Variants in FHIP1B observed in about 807,000 individuals in gnomAD.
FHIP1B encodes the protein FHF complex subunit HOOK interacting protein 1B, also known as FHF complex subunit HOOK-interacting protein 1B.
FHIP1B carries 28 observed loss-of-function variants against 82.2 expected under a neutral mutation model. The observed-to-expected ratio is 0.34, with a 90% CI of 0.25 to 0.47. FHIP1B has a LOEUF of 0.47. Among genes scored for constraint, FHIP1B ranks in the 20% least tolerant of loss-of-function variants. FHIP1B has a pLI of 1.00. For missense variants in FHIP1B, 1,110 were observed against 1,262.6 expected, an observed-to-expected ratio of 0.88 and a Z score of 1.83; for synonymous variants, 585 against 516.1, an observed-to-expected ratio of 1.13 and a Z score of -1.81.
intron 9 of FHIP1B, 36 bp downstream of exon 9, chr11:6,217,335 G>C (rs956377446): frequency 6.3e-7 from 1 of 1,576,374 alleles, no homozygotes; most frequent in Non-Finnish European, 8.7e-7. Flanking sequence ...CATGCAAAGA[G>C]TACACAGAAG....
In FHIP1B at chr11:6,217,477, C is replaced by T. The variant is rs781243507; in HGVS notation, c.2109G>A (p.Glu703=). ...TGAAGCTCTCGTAGGCCTCCTCCTC[C>T]TCAAGGGGCAGTGGAGGTTCTAAGG... ...ESPLEPPLPL[E]EEEAYESFTC... is the part of the protein sequence containing the mutation. Residue 703 remains glutamate (E), a synonymous_variant, in exon 9 of 12, where the codon GAG becomes GAA. Coordinates refer to ENST00000449352, the MANE Select transcript of FHIP1B (RefSeq NM_001098794.2). The T allele has an allele frequency of 2.3e-5, 37 of 1,613,568 alleles. No homozygotes were observed. The East Asian group carries it at 4.7e-4, about 20-fold the overall frequency.
Position 6,224,224 on chromosome 11 carries a change from C to G in FHIP1B, c.163G>C (p.Gly55Arg). Residue 55 changes from glycine to arginine, a missense_variant, in exon 3 of 12, where the codon GGC (glycine) becomes CGC (arginine). This residue lies in a region of FHIP1B where 467 missense variants were observed against 602.9 expected (regional missense o/e 0.77). Coordinates refer to ENST00000449352, the MANE Select transcript of FHIP1B (RefSeq NM_001098794.2). ...SQVVRILERQ[G>R]PRAAPGGADD... ...GCACCCCCAGGAGCTGCCCGAGGGC[C>G]TTGCCGCTCCAGGATTCGCACCACC... is the stretch of plus-strand genomic sequence containing the variant. 1.2e-6 allele frequency: 2 copies of G among 1,610,364 alleles called. No individual in the cohort carries two copies. Among genetic ancestry groups the G allele is most frequent in the Non-Finnish European group, 1.7e-6 (2 of 1,177,792 alleles).
rs371114898 is a variant in FHIP1B at position 6,222,907 on chromosome 11, T to G, written c.937-10A>C. 2.2e-5 allele frequency: 36 copies of G among 1,613,130 alleles called. No homozygotes were observed. Among genetic ancestry groups the G allele is most frequent in the Middle Eastern group, 1.6e-4 (1 of 6,082 alleles). Reference sequence around the variant, plus strand: ...CCAGGGGGTGAGCCACCTGTAGGAGTGCCAGAGAGAAGGGGGAGGGTTATG... The same window carrying G: ...CCAGGGGGTGAGCCACCTGTAGGAGGGCCAGAGAGAAGGGGGAGGGTTATG... On this transcript the variant is annotated splice_polypyrimidine_tract_variant and intron_variant, in intron 4 of 11. Coordinates refer to ENST00000449352, the MANE Select transcript of FHIP1B (RefSeq NM_001098794.2).
At position 6,217,986 on chromosome 11, in the gene FHIP1B, G is replaced by A; in HGVS notation, c.1600C>T (p.Pro534Ser). 6.2e-7 allele frequency: 1 copy of A among 1,613,558 alleles called. No homozygotes were observed. Among genetic ancestry groups the A allele is most frequent in the Non-Finnish European group, 8.5e-7 (1 of 1,180,002 alleles). The change falls in exon 9 of 12, where the codon CCT becomes TCT. Residue 534 changes from proline (P) to serine (S), a missense_variant. Physicochemically the swap from Pro to Ser is moderately conservative, Grantham distance 74. Transcript: ENST00000449352. ...TCTGCAGGGGTAGGCCGTCGGCCAG[G>A]GCTGGAGGCGGGGGATGCAGAAAGC... ...PGLSASPASS[P>S]GRRPTPAEEP...
intron 1 of FHIP1B, among the ~76,000 whole-genome samples, chr11:6,225,793 A>C (rs1847549110): frequency 6.6e-6 from 1 of 152,148 alleles, no homozygotes. Flanking sequence ...TAAGACCCTT[A>C]ACTGACTGAA....
chr11:6,211,629 A>C lies in FHIP1B; in HGVS notation c.2796T>G (p.Pro932=). 1 of 1,614,256 alleles carries C rather than the reference A, an allele frequency of 6.2e-7. No individual in the cohort carries two copies. Among genetic ancestry groups the C allele is most frequent in the South Asian group, 1.1e-5 (1 of 91,086 alleles). ...TGGCAGCCAACTCCTTGAGAAATTC[A>C]GGGAAAATGACTGCACAGTAGACAG... The part of the protein sequence containing the change: ...KNAVYCAVIF[P]EFLKELAAIS... The change falls in exon 12 of 12, where the codon CCT becomes CCG. Residue 932 remains proline, a synonymous_variant. Coordinates refer to ENST00000449352, the MANE Select transcript of FHIP1B (RefSeq NM_001098794.2).
At chr11:6,232,097 A>G (rs1439779261) in intron 1 of FHIP1B, among the ~76,000 whole-genome samples, 1 of 152,234 alleles carries the variant, frequency 6.6e-6, no homozygotes, top group East Asian at 1.9e-4. Flanking sequence ...TCTCTACATC[A>G]TCATCCTCAT....
chr11:6,213,135 A>G (rs1280035504), intron 11 of FHIP1B, among the ~76,000 whole-genome samples: 1 of 152,192 alleles, frequency 6.6e-6, no homozygotes, highest in African/African-American at 2.4e-5. Context: ...CTGTAGAAGG[A>G]AGAAATATTC....
rs1200949836 is a variant in FHIP1B, at chr11:6,217,623, C to T, written c.1963G>A (p.Glu655Lys). The T allele has an allele frequency of 6.2e-7, 1 of 1,614,012 alleles. No individual in the cohort carries two copies. ...GAKKVRLVPK[E>K]GAGELLEGIS... is the part of the protein sequence containing the mutation. The stretch of plus-strand genomic sequence containing the variant: ...CCCTCTAGCAGTTCCCCAGCTCCCT[C>T]CTTTGGCACCAGACGAACCTTCTTG... The change falls in exon 9 of 12, where the codon GAG becomes AAG. Residue 655 changes from glutamate to lysine, a missense_variant. Glu to Lys is a moderately conservative substitution (Grantham distance 56). Coordinates refer to ENST00000449352, the MANE Select transcript of FHIP1B (RefSeq NM_001098794.2).
At position 6,233,913 on chromosome 11, in the gene FHIP1B, T is replaced by C. The variant is rs528054074; in HGVS notation, c.-192+631A>G. ...TTTCTGTGATTACTCTGTTGAAGTC[T>C]GAGCCTCAAATATGACTTTCATTAC... On this transcript the variant is annotated intron_variant, in intron 1 of 11. Coordinates refer to ENST00000449352, the MANE Select transcript of FHIP1B (RefSeq NM_001098794.2). Among the ~76,000 whole-genome samples the C allele has an allele frequency of 1.3e-4, 20 of 152,354 alleles. No individual in the cohort carries two copies. The East Asian group carries it at 2.9e-3, about 22-fold the overall frequency.
At chr11:6,234,379 C>T (rs1350311028) in intron 1 of FHIP1B, among the ~76,000 whole-genome samples, 165 bp downstream of exon 1, 1 of 152,168 alleles carries the variant, frequency 6.6e-6, no homozygotes, top group Non-Finnish European at 1.5e-5. Flanking sequence ...CATTTGTCCA[C>T]TCACCTGTAA....
chr11:6,218,407 T>C, intron 8 of FHIP1B, 193 bp downstream of exon 8: 1 of 917,188 alleles, frequency 1.1e-6, no homozygotes, highest in East Asian at 2.6e-5. Flanking sequence ...TGCCCAGAAG[T>C]CCCACTCTAA....
Position 6,218,966 on chromosome 11 carries a change from G to A in FHIP1B, c.1271+5C>T. 1.2e-6 allele frequency: 2 copies of A among 1,613,976 alleles called. No individual in the cohort carries two copies. The highest frequency in any genetic ancestry group is 1.7e-6 in the Non-Finnish European group (2 of 1,179,898). On this transcript the variant is annotated splice_donor_5th_base_variant and intron_variant, in intron 7 of 11. Transcript: ENST00000449352. ...GCCATCCCTCAGCCCTGCCCCAACAGATACCTGAGAACCAGCTGCAGCAGG... is the reference window on the plus strand; with the variant it reads ...GCCATCCCTCAGCCCTGCCCCAACAAATACCTGAGAACCAGCTGCAGCAGG...
Position 6,223,122 on chromosome 11 carries a change from T to A in FHIP1B, c.894A>T (p.Ala298=), listed in dbSNP as rs760220534. 1.3e-6 allele frequency: 2 copies of A among 1,597,958 alleles called. No individual in the cohort carries two copies. The highest frequency in any genetic ancestry group is 2.2e-5 in the South Asian group (2 of 89,054). Reference sequence around the variant, plus strand: ...AGAACTCCAGGGAACTCATGAAGAGTGCAAGGGCTGGCACTCCCAGCCAGT... The same window carrying A: ...AGAACTCCAGGGAACTCATGAAGAGAGCAAGGGCTGGCACTCCCAGCCAGT... ...REDWLGVPAL[A]LFMSSLEFCN... is the part of the protein sequence containing the mutation. The change falls in exon 4 of 12, where the codon GCA becomes GCT. Residue 298 remains alanine, a synonymous_variant. Coordinates refer to ENST00000449352, the MANE Select transcript of FHIP1B (RefSeq NM_001098794.2). The surrounding 1 kb of genome is among the most constrained non-coding windows in gnomAD (Gnocchi z 4.8).
intron 9 of FHIP1B, among the ~76,000 whole-genome samples, chr11:6,216,068 GA>G (rs1378431880): frequency 6.6e-6 from 1 of 152,110 alleles, no homozygotes; most frequent in Admixed American, 6.5e-5. Flanking sequence ...TTTACCAAAG[GA>G]AAAAAAGACA....
chr11:6,214,925 G>A lies in FHIP1B; in HGVS notation c.2216-14C>T, dbSNP rs757605368. On this transcript the variant is annotated splice_polypyrimidine_tract_variant and intron_variant, in intron 9 of 11. Coordinates refer to ENST00000449352, the MANE Select transcript of FHIP1B (RefSeq NM_001098794.2). ...CCATGAAGGGGCCTGGGTTGGGGGG[G>A]AGGTGGGCACAAGGATACAAAGCCT... 3 of 1,537,950 alleles carry A rather than the reference G, an allele frequency of 2.0e-6. No individual in the cohort carries two copies. In the South Asian group the frequency reaches 3.7e-5, roughly 19 times the overall value.
At chr11:6,233,231 G>T (rs1349458133) in intron 1 of FHIP1B, among the ~76,000 whole-genome samples, 3 of 152,222 alleles carry the variant, frequency 2.0e-5, no homozygotes, top group Non-Finnish European at 4.4e-5. Flanking sequence ...TAATTCTCAG[G>T]AAATGGTCTC....
Position 6,217,928 on chromosome 11 carries a change from T to C in FHIP1B, c.1658A>G (p.Glu553Gly). ...ACCACGACGTGCCTCACGCAGATAC[T>C]CCAGGTAATTGTCTTCCAGCTCTCC... ...EPGELEDNYL[E>G]YLREARRGVD... The change falls in exon 9 of 12, where the codon GAG becomes GGG. Residue 553 changes from glutamate to glycine, a missense_variant. Glu to Gly is a moderately conservative substitution (Grantham distance 98). Transcript: ENST00000449352. The C allele has an allele frequency of 6.2e-7, 1 of 1,612,754 alleles. No homozygotes were observed. The highest frequency in any genetic ancestry group is 8.5e-7 in the Non-Finnish European group (1 of 1,179,998).
intron 9 of FHIP1B, chr11:6,216,933 A>G (rs1481324178): frequency 3.3e-6 from 2 of 609,466 alleles, no homozygotes; most frequent in Non-Finnish European, 5.8e-6. Context: ...AGAAAACCCA[A>G]GACCCAGACA....
Sources: gnomAD v4.1 joint callset for allele counts (sites outside exome capture counted in the v4.1 genomes callset) on GRCh38, gnomAD v4.1.1 for gene constraint, gnomAD v4.1.1 regional missense constraint, Gnocchi (gnomAD v3.1) non-coding constraint, MANE v1.5 for transcripts, NCBI Gene and HGNC (gene_info 2026-07-23, HGNC 2026-07-21) for gene names.